OTUD7A: variants seen among roughly 807,000 people sequenced by gnomAD.
The protein encoded by OTUD7A is OTU domain-containing protein 7A.
Under a neutral mutation model 65.7 loss-of-function variants are expected in OTUD7A, and 12 were observed. That is an observed-to-expected ratio of 0.18 (90% CI 0.12 to 0.30). The LOEUF is 0.30. Ranked by LOEUF, OTUD7A falls within the 10% of genes least tolerant of loss-of-function variation. The pLI, the probability that OTUD7A is intolerant of heterozygous loss-of-function variation, is 1.00. For synonymous variants in OTUD7A, 641 were observed against 586.3 expected (o/e 1.09, Z -1.35); for missense variants, 1,148 against 1,304.8 (o/e 0.88, Z 1.85).
At chr15:31,865,540 T>C (rs1897855669) in intron 1 of OTUD7A, among the ~76,000 whole-genome samples, 2 of 152,350 alleles carry the variant, frequency 1.3e-5, no homozygotes, top group South Asian at 4.1e-4. Flanking sequence ...ACTTAATTCA[T>C]AGAAAGTTCC....
Position 31,564,939 on chromosome 15 carries a change from G to A in OTUD7A, c.331+5079C>T, listed in dbSNP as rs1357117021. Among the ~76,000 whole-genome samples the A allele has an allele frequency of 2.6e-5, 4 of 152,142 alleles. No homozygotes were observed. In the East Asian group the frequency reaches 5.8e-4, roughly 22 times the overall value. On this transcript the variant is annotated intron_variant, in intron 4 of 12. Coordinates refer to ENST00000307050, the MANE Select transcript of OTUD7A (RefSeq NM_001382637.1). ...CAAGATAAAAACCATTATATCAAAT[G>A]GCTTGACAAAGAGACAGCCTATATA...
intron 9 of OTUD7A, 30 bp from the exon 10 acceptor site, chr15:31,501,869 AGGAGCAGCCAGCTCGAGCTGGGAGG>A (rs1268637870): frequency 8.9e-6 from 14 of 1,581,606 alleles, no homozygotes; most frequent in Non-Finnish European, 1.2e-5. Context: ...TGAGGGTGTG[AGGAGCAGCCAGCTCGAGCTGGGAGG>A]GGAGGCCCCT....
intron 10 of OTUD7A, among the ~76,000 whole-genome samples, chr15:31,501,182 G>T (rs2041460276): frequency 6.6e-6 from 1 of 152,214 alleles, no homozygotes; most frequent in South Asian, 2.1e-4. Context: ...TAGCTAATTA[G>T]TAAGTAAATA....
rs891970321 is a variant in OTUD7A, at chr15:31,480,685, A to C, written c.*2609T>G. ...AAGGAGCATGCTGTCGGTGCACGGG[A>C]CTAGCACATTTAATATGACCATCCG... On this transcript the variant is annotated 3_prime_UTR_variant, in exon 13 of 13. Coordinates refer to ENST00000307050, the MANE Select transcript of OTUD7A (RefSeq NM_001382637.1). 1 of 152,252 alleles carries C rather than the reference A, an allele frequency of 6.6e-6. No individual in the cohort carries two copies. Among genetic ancestry groups the C allele is most frequent in the Non-Finnish European group, 1.5e-5 (1 of 68,046 alleles). The allele number at this position is 152,252 out of a possible 1,614,324, so 9.4% of individuals were successfully genotyped here. A position where few individuals can be genotyped will look rare whatever the true frequency, so the allele number is the denominator to read the frequency against.
intron 1 of OTUD7A, among the ~76,000 whole-genome samples, chr15:31,865,255 C>T (rs1278538211): frequency 6.6e-6 from 1 of 152,226 alleles, no homozygotes; most frequent in Non-Finnish European, 1.5e-5. Flanking sequence ...AAAAATTATA[C>T]ATGCAAATGT....
chr15:31,846,147 G>A (rs1203568982), intron 1 of OTUD7A, among the ~76,000 whole-genome samples: 1 of 152,164 alleles, frequency 6.6e-6, no homozygotes, highest in Non-Finnish European at 1.5e-5. Context: ...TGTCTTCTGG[G>A]ACTCTGCTCT....
At chr15:31,836,885 A>G (rs1461201731) in intron 1 of OTUD7A, among the ~76,000 whole-genome samples, 1 of 152,238 alleles carries the variant, frequency 6.6e-6, no homozygotes, top group Non-Finnish European at 1.5e-5. Flanking sequence ...CTATATCATA[A>G]TGAATGCACA....
chr15:31,499,814 G>A (rs2041439753), intron 10 of OTUD7A, among the ~76,000 whole-genome samples: 1 of 152,236 alleles, frequency 6.6e-6, no homozygotes, highest in Admixed American at 6.5e-5. Flanking sequence ...GGCTCTGAGA[G>A]GTGCACTGGG....
At chr15:31,738,077 C>G (rs555265432) in intron 1 of OTUD7A, among the ~76,000 whole-genome samples, 1 of 151,898 alleles carries the variant, frequency 6.6e-6, no homozygotes, top group Admixed American at 6.6e-5. Context: ...ACTATTTTTG[C>G]GAAAAAATTA....
Position 31,726,474 on chromosome 15 carries a change from G to A in OTUD7A, c.-99-69397C>T, listed in dbSNP as rs188581451. On this transcript the variant is annotated intron_variant, in intron 1 of 12. Transcript: ENST00000307050. ...ACAGTGTAGCTAAGAAGAAAGGAAG[G>A]AAGGAAAAAAGGAAAGGGAGATCTA... Among the ~76,000 whole-genome samples the A allele has an allele frequency of 3.3e-3, 499 of 152,072 alleles. 1 individual carries two copies. Among genetic ancestry groups the A allele is most frequent in the Non-Finnish European group, 4.9e-3 (330 of 67,988 alleles).
At chr15:31,816,931 C>T (rs990825306) in intron 1 of OTUD7A, among the ~76,000 whole-genome samples, 2 of 152,158 alleles carry the variant, frequency 1.3e-5, no homozygotes, top group African/African-American at 4.8e-5. Flanking sequence ...TGTCATGTGA[C>T]GGTACATTAA....
chr15:31,710,457 TG>T lies in OTUD7A; in HGVS notation c.-99-53381del, dbSNP rs200187640. On this transcript the variant is annotated intron_variant, in intron 1 of 12. Coordinates refer to ENST00000307050, the MANE Select transcript of OTUD7A (RefSeq NM_001382637.1). ...TGAATTTCACCCAGCCGCACGGCCA[TG>T]GGAATACCTGCCAGAAAAGTTCTCA... Among the ~76,000 whole-genome samples the T allele has an allele frequency of 3.5e-3, 531 of 151,650 alleles. 2 individuals carry two copies. The East Asian group carries it at 0.035, about 10-fold the overall frequency.
intron 1 of OTUD7A, chr15:31,767,454 G>T: frequency 2.6e-6 from 2 of 774,100 alleles, no homozygotes; most frequent in South Asian, 2.7e-5. Context: ...TGGCCAATTT[G>T]CTAGGCACTT....
At chr15:31,514,860 T>C (rs1275679520) in intron 8 of OTUD7A, among the ~76,000 whole-genome samples, 1 of 152,240 alleles carries the variant, frequency 6.6e-6, no homozygotes, top group Non-Finnish European at 1.5e-5. Flanking sequence ...TTGACATGAA[T>C]ACATATTCAC....
chr15:31,629,982 TTTC>T (rs926456657), intron 3 of OTUD7A, among the ~76,000 whole-genome samples: 3 of 151,810 alleles, frequency 2.0e-5, no homozygotes, highest in African/African-American at 7.3e-5. Flanking sequence ...TTCTTCTCTC[TTTC>T]TTCTTTATTA....
At chr15:31,585,035 G>A (rs11854065) in intron 3 of OTUD7A, among the ~76,000 whole-genome samples, 49,883 of 152,088 alleles carry the variant, frequency 0.33, 10,722 homozygotes, top group African/African-American at 0.61. Flanking sequence ...TTGGTGACTT[G>A]GAGGACATTG....
At chr15:31,605,822 T>C (rs1392165507) in intron 3 of OTUD7A, among the ~76,000 whole-genome samples, 1 of 152,164 alleles carries the variant, frequency 6.6e-6, no homozygotes, top group Non-Finnish European at 1.5e-5. Context: ...CAGACTCTGC[T>C]CTTTCCACGC....
At chr15:31,567,517 G>A (rs1472771369) in intron 4 of OTUD7A, among the ~76,000 whole-genome samples, 1 of 73,434 alleles carries the variant, frequency 1.4e-5, no homozygotes, top group East Asian at 3.4e-4. Flanking sequence ...CTAGCCATGT[G>A]GCAAAGAAAG....
At chr15:31,678,617 T>A (rs1892644568) in intron 1 of OTUD7A, among the ~76,000 whole-genome samples, 1 of 152,240 alleles carries the variant, frequency 6.6e-6, no homozygotes, top group African/African-American at 2.4e-5. Context: ...CCCCAAGCCT[T>A]GGCAGCTTTC....
Sources: allele counts gnomAD v4.1 joint callset (sites outside exome capture counted in the v4.1 genomes callset), GRCh38; gene constraint gnomAD v4.1.1; transcripts MANE v1.5; gene names NCBI Gene and HGNC (gene_info 2026-07-23, HGNC 2026-07-21).